RBFOX1: variants seen among roughly 807,000 people sequenced by gnomAD.
The protein encoded by RBFOX1 is RNA binding protein fox-1 homolog 1.
RBFOX1 carries 8 observed loss-of-function variants against 57.7 expected under a neutral mutation model. The observed-to-expected ratio is 0.14, with a 90% CI of 0.08 to 0.25. The LOEUF (loss-of-function observed/expected upper bound fraction) is 0.25, where lower values mean the gene tolerates loss of function less well. Among genes scored for constraint, RBFOX1 ranks in the 10% least tolerant of loss-of-function variants. The pLI is 1.00. For synonymous variants in RBFOX1, 326 were observed against 222.4 expected (o/e 1.47, Z -4.15); for missense variants, 611 against 548.5 (o/e 1.11, Z -1.14).
intron 4 of RBFOX1, among the ~76,000 whole-genome samples, chr16:5,911,834 C>T (rs140733389): frequency 6.6e-4 from 100 of 152,264 alleles, no homozygotes; most frequent in African/African-American, 2.4e-3. Context: ...GGCCACTCAT[C>T]TCAACCATGA....
intron 4 of RBFOX1, among the ~76,000 whole-genome samples, chr16:7,260,138 T>C (rs1482878534): frequency 6.6e-6 from 1 of 152,212 alleles, no homozygotes; most frequent in African/African-American, 2.4e-5. Flanking sequence ...TTAGAGGAGA[T>C]AATGAATAAC....
At chr16:7,110,574 G>A (rs1599773262) in intron 4 of RBFOX1, among the ~76,000 whole-genome samples, 1 of 152,162 alleles carries the variant, frequency 6.6e-6, no homozygotes, top group Admixed American at 6.5e-5. Context: ...CTAATAGCTA[G>A]GAGGGATCTC....
At chr16:6,131,851 G>C (rs1026077209) in intron 1 of RBFOX1, among the ~76,000 whole-genome samples, 6 of 152,076 alleles carry the variant, frequency 3.9e-5, no homozygotes, top group African/African-American at 1.4e-4. Context: ...GCCACTCTCT[G>C]GCTCTCTGTA....
chr16:5,932,278 C>T (rs1022758819), intron 4 of RBFOX1, among the ~76,000 whole-genome samples: 1 of 152,184 alleles, frequency 6.6e-6, no homozygotes, highest in Non-Finnish European at 1.5e-5. Flanking sequence ...AAGGGCCGTG[C>T]CCTAAGGAAT....
At chr16:7,050,734 C>G in intron 3 of RBFOX1, among the ~76,000 whole-genome samples, 1 of 152,110 alleles carries the variant, frequency 6.6e-6, no homozygotes, top group East Asian at 1.9e-4. Flanking sequence ...CATGTTATGC[C>G]ATACTATCAG....
At chr16:7,150,132 A>G (rs1398900569) in intron 4 of RBFOX1, among the ~76,000 whole-genome samples, 2 of 152,090 alleles carry the variant, frequency 1.3e-5, no homozygotes, top group African/African-American at 4.8e-5. Context: ...TAGGGCTTTC[A>G]TGGTCTGTTG....
chr16:5,487,190 A>G (rs1422575591), intron 2 of RBFOX1, among the ~76,000 whole-genome samples: 2 of 152,160 alleles, frequency 1.3e-5, no homozygotes, highest in African/African-American at 2.4e-5. Flanking sequence ...GGGACCCATT[A>G]TAGGTGTCAC....
chr16:6,707,478 G>GTTTTTT (rs61418784), intron 3 of RBFOX1, among the ~76,000 whole-genome samples: 2,395 of 128,210 alleles, frequency 0.019, 106 homozygotes, highest in African/African-American at 0.033. Flanking sequence ...TCCCATTTTT[G>GTTTTTT]TTTTTTTTTT....
chr16:7,673,678 CTCACTCATTTGGTGGTGGTGGCA>C (rs1416513276), intron 13 of RBFOX1, among the ~76,000 whole-genome samples: 4 of 152,120 alleles, frequency 2.6e-5, no homozygotes, highest in Non-Finnish European at 4.4e-5. Flanking sequence ...CTTTGGTGGC[CTCACTCATTTGGTGGTGGTGGCA>C]ACAAGATGCA....
intron 2 of RBFOX1, among the ~76,000 whole-genome samples, chr16:6,617,057 T>C (rs921304730): frequency 6.6e-6 from 1 of 152,058 alleles, no homozygotes; most frequent in Non-Finnish European, 1.5e-5. Flanking sequence ...ACAGTGTTGA[T>C]CTTTGAGCAG....
intron 3 of RBFOX1, among the ~76,000 whole-genome samples, chr16:6,733,105 T>C (rs2069099447): frequency 1.3e-5 from 2 of 152,162 alleles, no homozygotes; most frequent in East Asian, 1.9e-4. Context: ...AACAGAAATA[T>C]ATGAATATAA....
chr16:7,379,706 C>G (rs1022697589), intron 4 of RBFOX1, among the ~76,000 whole-genome samples: 1 of 151,936 alleles, frequency 6.6e-6, no homozygotes, highest in Non-Finnish European at 1.5e-5. Context: ...TGGGTAGTAA[C>G]TACAGGAATT....
At chr16:6,820,013 C>T (rs926813546) in intron 3 of RBFOX1, among the ~76,000 whole-genome samples, 58 of 152,252 alleles carry the variant, frequency 3.8e-4, no homozygotes, top group African/African-American at 1.0e-3. Flanking sequence ...TTCCCATAAT[C>T]CCCATATGTC....
At chr16:6,958,437 G>C (rs538770447) in intron 3 of RBFOX1, among the ~76,000 whole-genome samples, 1 of 152,076 alleles carries the variant, frequency 6.6e-6, no homozygotes, top group Non-Finnish European at 1.5e-5. Flanking sequence ...AAAGCATTGG[G>C]CAAGGACCTT....
rs75741090 is a variant in RBFOX1, at chr16:5,516,826, G to C, written c.258+49572G>C. 4.1e-3 allele frequency among the ~76,000 whole-genome samples: 626 copies of C among 152,188 alleles called. 4 individuals are homozygous for C. Among genetic ancestry groups the C allele is most frequent in the Middle Eastern group, 0.034 (10 of 294 alleles). ...GGCACTCATTCTTCTCTCTCCTGCTGCCCTATGAAGAGGCGCCTTCTGCCA... is the reference window on the plus strand; with the variant it reads ...GGCACTCATTCTTCTCTCTCCTGCTCCCCTATGAAGAGGCGCCTTCTGCCA... On this transcript the variant is annotated intron_variant, in intron 2 of 2. Coordinates refer to the RBFOX1 transcript ENST00000585867.
chr16:5,673,956 C>A (rs752221180), intron 3 of RBFOX1, among the ~76,000 whole-genome samples: 1 of 152,224 alleles, frequency 6.6e-6, no homozygotes, highest in Non-Finnish European at 1.5e-5. Flanking sequence ...CCCCATGGGT[C>A]TTGATGCATC....
rs1034532061 is a variant in RBFOX1, at chr16:5,947,090, A to C, written c.351+79755A>C. 1.3e-5 allele frequency among the ~76,000 whole-genome samples: 2 copies of C among 152,088 alleles called. No homozygotes were observed. The highest frequency in any genetic ancestry group is 4.8e-5 in the African/African-American group (2 of 41,402). ...AAAATCATCCCATGTGGTTGTGCAT[A>C]CTGTAGTCCCAGATACTCAGGAGGC... On this transcript the variant is annotated intron_variant, in intron 4 of 19. Transcript: ENST00000641259. This position sits in a 1 kb window ranked among gnomAD's most constrained non-coding sequence, Gnocchi z 7.2.
chr16:7,487,209 G>A (rs960045593), intron 4 of RBFOX1, among the ~76,000 whole-genome samples: 3 of 152,088 alleles, frequency 2.0e-5, no homozygotes, highest in Non-Finnish European at 2.9e-5. Flanking sequence ...CCACTTTCAG[G>A]CATTTGAACT....
At chr16:6,850,625 C>G (rs771329799) in intron 3 of RBFOX1, among the ~76,000 whole-genome samples, 4 of 152,140 alleles carry the variant, frequency 2.6e-5, no homozygotes, top group African/African-American at 9.7e-5. Flanking sequence ...ACAGATGACT[C>G]CTAATGTCAT....
Sources: allele counts gnomAD v4.1 joint callset (sites outside exome capture counted in the v4.1 genomes callset), GRCh38; gene constraint gnomAD v4.1.1; non-coding constraint Gnocchi (gnomAD v3.1); transcripts MANE v1.5; gene names NCBI Gene and HGNC (gene_info 2026-07-23, HGNC 2026-07-21).